The following UBR3 variants were observed in gnomAD, a reference collection of about 807,000 sequenced individuals.
UBR3 encodes E3 ubiquitin-protein ligase UBR3.
UBR3 carries 85 observed loss-of-function variants against 243.2 expected under a neutral mutation model. The observed-to-expected ratio is 0.35, with a 90% CI of 0.29 to 0.42. The LOEUF (loss-of-function observed/expected upper bound fraction) is 0.42. Ranked by LOEUF, UBR3 falls within the 10% of genes least tolerant of loss-of-function variation. The probability of loss-of-function intolerance (pLI) is 1.00; values close to 1 mark genes in which losing one functional copy is unlikely to be tolerated. For missense variants in UBR3, 1,686 were observed against 2,300.8 expected (o/e 0.73, Z 5.47); for synonymous variants, 748 against 799.8 (o/e 0.94, Z 1.09).
intron 18 of UBR3, among the ~76,000 whole-genome samples, chr2:169,931,600 C>T (rs2086134291): frequency 6.6e-6 from 1 of 151,880 alleles, no homozygotes; most frequent in South Asian, 2.1e-4. Flanking sequence ...AAGAATTTTG[C>T]TAGAGAGAAT....
chr2:169,838,299 T>C (rs886427937), intron 1 of UBR3, among the ~76,000 whole-genome samples: 1 of 152,154 alleles, frequency 6.6e-6, no homozygotes, highest in African/African-American at 2.4e-5. Context: ...CTTAGTCTGT[T>C]TGTGCTGCTG....
chr2:169,843,708 G>A (rs1263721475), intron 1 of UBR3, among the ~76,000 whole-genome samples: 2 of 152,158 alleles, frequency 1.3e-5, no homozygotes, highest in Non-Finnish European at 2.9e-5. Flanking sequence ...TTGACATGAG[G>A]ATTTTTGTAT....
chr2:169,891,617 C>CACACACACAT (rs1553504895), intron 6 of UBR3, among the ~76,000 whole-genome samples: 3 of 151,104 alleles, frequency 2.0e-5, no homozygotes, highest in African/African-American at 7.3e-5. Flanking sequence ...GACAGAGACA[C>CACACACACAT]ACACACACAC....
chr2:169,837,892 A>G (rs766175804), intron 1 of UBR3, among the ~76,000 whole-genome samples: 16 of 152,360 alleles, frequency 1.1e-4, no homozygotes, highest in Non-Finnish European at 2.1e-4. Flanking sequence ...CCATTGATCT[A>G]TAATGTCACC....
chr2:169,856,915 A>G (rs1007275068), intron 1 of UBR3, among the ~76,000 whole-genome samples: 4 of 152,060 alleles, frequency 2.6e-5, no homozygotes, highest in Admixed American at 6.5e-5. Context: ...GGTCTTTGCA[A>G]ATATGATAGG....
At chr2:169,842,955 G>A (rs553716455) in intron 1 of UBR3, among the ~76,000 whole-genome samples, 1 of 152,272 alleles carries the variant, frequency 6.6e-6, no homozygotes, top group Non-Finnish European at 1.5e-5. Flanking sequence ...CTGTTTAAGA[G>A]ATCATCAGAA....
intron 18 of UBR3, 96 bp from the exon 19 acceptor site, chr2:169,932,815 GT>G: frequency 9.6e-7 from 1 of 1,044,264 alleles, no homozygotes; most frequent in Non-Finnish European, 1.4e-6. Context: ...ATTGTTCTGT[GT>G]TTTAAATGTA....
At chr2:170,072,303 T>C (rs2091715280) in intron 35 of UBR3, among the ~76,000 whole-genome samples, 2 of 152,076 alleles carry the variant, frequency 1.3e-5, no homozygotes, top group African/African-American at 4.8e-5. Flanking sequence ...ATCATCATTC[T>C]CAGTAAACTA....
At position 169,863,697 on chromosome 2, in the gene UBR3, TTGAC is replaced by T. The variant is rs1222603251; in HGVS notation, c.546-8535_546-8532del. Among the ~76,000 whole-genome samples the T allele has an allele frequency of 2.0e-5, 3 of 152,362 alleles. No individual in the cohort carries two copies. In the East Asian group the frequency reaches 5.8e-4, roughly 29 times the overall value. On this transcript the variant is annotated intron_variant, in intron 1 of 38. Transcript: ENST00000272793. Reference sequence around the variant, plus strand: ...ATATGCAGTTTCATTTGTCAGGTCTTTGACTGATTTTACTGGTGTCTTTTGGTTA... The same window carrying T: ...ATATGCAGTTTCATTTGTCAGGTCTTTGATTTTACTGGTGTCTTTTGGTTA...
In UBR3 at chr2:169,909,536, T is replaced by C. The variant is rs1414377779; in HGVS notation, c.1779+3372T>C. On this transcript the variant is annotated intron_variant, in intron 10 of 38. Transcript: ENST00000272793. ...AAATGGGGAGATTTTGACTAAAGGG[T>C]ACAAAGTTTTAGCTAGGGAGGAGGA... Among the ~76,000 whole-genome samples the C allele has an allele frequency of 2.0e-5, 3 of 152,130 alleles. No homozygotes were observed. In the East Asian group the frequency reaches 5.8e-4, roughly 29 times the overall value.
At chr2:169,896,479 T>A in intron 7 of UBR3, 28 bp from the exon 8 acceptor site, 4 of 1,399,298 alleles carry the variant, frequency 2.9e-6, no homozygotes, top group Non-Finnish European at 3.8e-6. Context: ...ACTAATGTGT[T>A]TTTTCCTTTC....
chr2:169,965,916 A>T (rs1046218891), intron 24 of UBR3, among the ~76,000 whole-genome samples: 1 of 152,148 alleles, frequency 6.6e-6, no homozygotes, highest in Middle Eastern at 3.2e-3. Flanking sequence ...AAAAATTCTA[A>T]TGTAGAAGCA....
At chr2:169,845,997 T>C (rs778386848) in intron 1 of UBR3, among the ~76,000 whole-genome samples, 2 of 151,916 alleles carry the variant, frequency 1.3e-5, no homozygotes, top group Non-Finnish European at 2.9e-5. Flanking sequence ...TCTTGGTGAA[T>C]GTTCCATGTG....
At chr2:170,044,690 T>C (rs2091042032) in intron 32 of UBR3, among the ~76,000 whole-genome samples, 1 of 152,206 alleles carries the variant, frequency 6.6e-6, no homozygotes, top group Non-Finnish European at 1.5e-5. Context: ...TACTTGTTTT[T>C]CTTTCATGTA....
chr2:169,872,519 A>G (rs984449868), intron 2 of UBR3, 144 bp downstream of exon 2: 7 of 596,520 alleles, frequency 1.2e-5, no homozygotes, highest in Non-Finnish European at 1.9e-5. Flanking sequence ...CGGATTGAAT[A>G]GAAACACACT....
At chr2:169,938,496 A>G (rs986307278) in intron 19 of UBR3, among the ~76,000 whole-genome samples, 1 of 152,064 alleles carries the variant, frequency 6.6e-6, no homozygotes, top group Non-Finnish European at 1.5e-5. Context: ...TCTGCAGCTT[A>G]AGTGATCTGC....
intron 32 of UBR3, 94 bp from the exon 33 acceptor site, chr2:170,055,366 A>C: frequency 6.9e-7 from 1 of 1,439,140 alleles, no homozygotes; most frequent in Non-Finnish European, 9.4e-7. Context: ...ACAAAAACCA[A>C]TTACATATGC....
chr2:169,975,610 G>A (rs1281752370), intron 24 of UBR3, among the ~76,000 whole-genome samples: 1 of 152,120 alleles, frequency 6.6e-6, no homozygotes, highest in Non-Finnish European at 1.5e-5. Flanking sequence ...TTTGCTTTGT[G>A]TATTTGGGTG....
chr2:170,028,119 CCT>C (rs1470905938), intron 30 of UBR3, among the ~76,000 whole-genome samples: 1 of 151,824 alleles, frequency 6.6e-6, no homozygotes, highest in Non-Finnish European at 1.5e-5. Context: ...TATTTAGATT[CCT>C]CTGTTCGTTA....
Sources: allele counts gnomAD v4.1 joint callset (sites outside exome capture counted in the v4.1 genomes callset), GRCh38; gene constraint gnomAD v4.1.1; transcripts MANE v1.5; gene names NCBI Gene and HGNC (gene_info 2026-07-23, HGNC 2026-07-21).